Variants in RGL1 observed in about 807,000 individuals in gnomAD.
The protein encoded by RGL1 is ral guanine nucleotide dissociation stimulator like 1.
In RGL1, 24 loss-of-function variants were observed where a neutral mutation model predicts 95.2. That is an observed-to-expected ratio of 0.25 (90% CI 0.18 to 0.35). The LOEUF (loss-of-function observed/expected upper bound fraction) is 0.35. Ranked by LOEUF, RGL1 falls within the 10% of genes least tolerant of loss-of-function variation. The pLI is 1.00. For synonymous variants in RGL1, 329 were observed against 344.9 expected (o/e 0.95, Z 0.51); for missense variants, 715 against 936.3 (o/e 0.76, Z 3.08).
chr1:183,650,410 GCA>G (rs1650644982), intron 1 of RGL1, among the ~76,000 whole-genome samples: 1 of 152,078 alleles, frequency 6.6e-6, no homozygotes, highest in Non-Finnish European at 1.5e-5. Flanking sequence ...AGGTGTGGTG[GCA>G]TGCGCCTGTA....
chr1:183,846,476 C>T (rs1440313533), intron 2 of RGL1, among the ~76,000 whole-genome samples: 1 of 151,798 alleles, frequency 6.6e-6, no homozygotes, highest in Admixed American at 6.6e-5. Flanking sequence ...CAACAAACCA[C>T]CATGGCATGT....
rs144624833 is a variant in RGL1 at position 183,833,759 on chromosome 1, T to C, written c.139-13807T>C. On this transcript the variant is annotated intron_variant, in intron 2 of 17. Coordinates refer to ENST00000360851, the MANE Select transcript of RGL1 (RefSeq NM_001297671.3). ...CTGATTTGACCTTACAAATGAATAA[T>C]AGAATCCATTGGTAAGTTACCACAG... Among the ~76,000 whole-genome samples the C allele has an allele frequency of 8.6e-3, 1,303 of 152,296 alleles. 9 individuals carry two copies. Among genetic ancestry groups the C allele is most frequent in the South Asian group, 0.023 (109 of 4,822 alleles).
intron 1 of RGL1, among the ~76,000 whole-genome samples, chr1:183,686,137 C>T (rs950867337): frequency 9.2e-5 from 14 of 152,102 alleles, no homozygotes; most frequent in African/African-American, 3.1e-4. Flanking sequence ...TATGTCATGC[C>T]GAATCAACAT....
intron 4 of RGL1, among the ~76,000 whole-genome samples, chr1:183,874,942 G>C (rs564400810): frequency 6.6e-6 from 1 of 152,296 alleles, no homozygotes; most frequent in South Asian, 2.1e-4. Flanking sequence ...GTTGACTTAG[G>C]CTTCAGTTCT....
upstream of RGL1, among the ~76,000 whole-genome samples, chr1:183,800,136 T>C (rs568266446): frequency 1.3e-5 from 2 of 152,324 alleles, no homozygotes; most frequent in African/African-American, 4.8e-5. Flanking sequence ...CACATAAATA[T>C]CACTCCATAT....
chr1:183,799,516 T>C (rs1405155587), intron 2 of RGL1, among the ~76,000 whole-genome samples: 2 of 152,188 alleles, frequency 1.3e-5, no homozygotes, highest in Non-Finnish European at 2.9e-5. Flanking sequence ...TATGTGTTGA[T>C]ATCTCATTCT....
chr1:183,688,322 G>C (rs557978069), intron 1 of RGL1, among the ~76,000 whole-genome samples: 1 of 152,042 alleles, frequency 6.6e-6, no homozygotes, highest in Non-Finnish European at 1.5e-5. Context: ...GGAAATTTTT[G>C]CTTGCTTATG....
chr1:183,876,612 G>A (rs923597476), intron 4 of RGL1, among the ~76,000 whole-genome samples: 1 of 152,238 alleles, frequency 6.6e-6, no homozygotes, highest in Admixed American at 6.5e-5. Context: ...AATTACTTCT[G>A]CCTTTACAAG....
intron 1 of RGL1, among the ~76,000 whole-genome samples, chr1:183,692,601 A>G (rs61811219): frequency 1.1e-3 from 163 of 152,236 alleles, no homozygotes; most frequent in Middle Eastern, 3.2e-3. Context: ...GCTTATTAAC[A>G]TAAATTTACT....
At chr1:183,770,252 C>T (rs1458933812) in intron 2 of RGL1, among the ~76,000 whole-genome samples, 5 of 152,182 alleles carry the variant, frequency 3.3e-5, no homozygotes, top group Admixed American at 6.5e-5. Flanking sequence ...TGTCCAGATG[C>T]AGATGACAAA....
chr1:183,642,690 A>G (rs1650007822), intron 1 of RGL1, among the ~76,000 whole-genome samples: 1 of 152,188 alleles, frequency 6.6e-6, no homozygotes, highest in South Asian at 2.1e-4. Context: ...CTAGACATAG[A>G]GCCTGATTTC....
At chr1:183,716,238 A>G (rs1655614461) in intron 1 of RGL1, among the ~76,000 whole-genome samples, 1 of 152,228 alleles carries the variant, frequency 6.6e-6, no homozygotes, top group African/African-American at 2.4e-5. Context: ...AGTCGATCTA[A>G]GGGGAAAAGG....
intron 2 of RGL1, among the ~76,000 whole-genome samples, chr1:183,798,878 CTTTTTTTTTTTTT>C (rs35765152): frequency 2.3e-5 from 2 of 88,182 alleles, no homozygotes; most frequent in African/African-American, 9.4e-5. Flanking sequence ...GCAGGATTTC[CTTTTTTTTTTTTT>C]TTTTTTTTTG....
At chr1:183,856,533 G>T (rs1665159047) in intron 3 of RGL1, among the ~76,000 whole-genome samples, 1 of 149,608 alleles carries the variant, frequency 6.7e-6, no homozygotes, top group African/African-American at 2.5e-5. Context: ...AGGACATCAT[G>T]CCCTGTTCAG....
chr1:183,655,685 A>C (rs963855651), intron 1 of RGL1, among the ~76,000 whole-genome samples: 1 of 152,252 alleles, frequency 6.6e-6, no homozygotes, highest in Non-Finnish European at 1.5e-5. Flanking sequence ...GCACAGTCTT[A>C]ACAGCAGAGA....
intron 2 of RGL1, among the ~76,000 whole-genome samples, chr1:183,793,165 A>G (rs535644416): frequency 6.6e-6 from 1 of 152,286 alleles, no homozygotes; most frequent in South Asian, 2.1e-4. Flanking sequence ...TTTTGACAAA[A>G]GCACAAAGAA....
At chr1:183,846,558 A>G (rs960293954) in intron 2 of RGL1, among the ~76,000 whole-genome samples, 1 of 151,744 alleles carries the variant, frequency 6.6e-6, no homozygotes, top group African/African-American at 2.4e-5. Context: ...AAAAAGAATA[A>G]AAAACTCCAA....
In RGL1 at chr1:183,729,097, A is replaced by T. The variant is rs557154878; in HGVS notation, c.-32-13029A>T. 2.0e-5 allele frequency among the ~76,000 whole-genome samples: 3 copies of T among 152,308 alleles called. No individual in the cohort carries two copies. The East Asian group carries it at 5.8e-4, about 29-fold the overall frequency. On this transcript the variant is annotated intron_variant, in intron 1 of 18. Coordinates refer to the RGL1 transcript ENST00000304685. Reference sequence around the variant, plus strand: ...AGCATAAACATAAAAAGTATAAAAAATTTATAAATTGGGCTACATCAAAAT... The same window carrying T: ...AGCATAAACATAAAAAGTATAAAAATTTTATAAATTGGGCTACATCAAAAT...
chr1:183,678,931 A>G (rs1483950194), intron 1 of RGL1, among the ~76,000 whole-genome samples: 4 of 152,208 alleles, frequency 2.6e-5, no homozygotes, highest in Non-Finnish European at 5.9e-5. Flanking sequence ...TGAAGCCGCT[A>G]GGGCTGGGCA....
Sources: gnomAD v4.1 joint callset for allele counts (sites outside exome capture counted in the v4.1 genomes callset) on GRCh38, gnomAD v4.1.1 for gene constraint, MANE v1.5 for transcripts, NCBI Gene and HGNC (gene_info 2026-07-23, HGNC 2026-07-21) for gene names.